The following SWT1 variants were observed in gnomAD, a reference collection of about 807,000 sequenced individuals.
SWT1 encodes transcriptional protein SWT1.
SWT1 carries 33 observed loss-of-function variants against 107.3 expected under a neutral mutation model. That is an observed-to-expected ratio of 0.31 (90% CI 0.23 to 0.41). The LOEUF (loss-of-function observed/expected upper bound fraction) is 0.41, where lower values mean the gene tolerates loss of function less well. Among genes scored for constraint, SWT1 ranks in the 10% least tolerant of loss-of-function variants. The pLI, the probability that SWT1 is intolerant of heterozygous loss-of-function variation, is 1.00. For synonymous variants in SWT1, 345 were observed against 348.3 expected, an observed-to-expected ratio of 0.99 and a Z score of 0.11; for missense variants, 898 against 1,028.9, an observed-to-expected ratio of 0.87 and a Z score of 1.74.
chr1:185,257,601 C>A lies in SWT1; in HGVS notation c.2442-13722C>A, dbSNP rs147562801. Among the ~76,000 whole-genome samples, 436 of 152,348 alleles carry A rather than the reference C, an allele frequency of 2.9e-3. 1 individual carries two copies. The highest frequency in any genetic ancestry group is 4.5e-3 in the Non-Finnish European group (303 of 68,040). On this transcript the variant is annotated intron_variant, in intron 16 of 18. Coordinates refer to ENST00000367500, the MANE Select transcript of SWT1 (RefSeq NM_017673.7). ...GGAAAGGGAACTCCCTGACCCCTTG[C>A]GCTTCCCAAGTGAGGCAATGCCTCG... is the stretch of plus-strand genomic sequence containing the variant.
chr1:185,262,786 CTTTTT>C (rs572086827), intron 16 of SWT1, among the ~76,000 whole-genome samples: 1 of 135,452 alleles, frequency 7.4e-6, no homozygotes. Flanking sequence ...TTTCTTCTTT[CTTTTT>C]TTTTTTTTTT....
At chr1:185,215,196 G>A (rs2102502290) in intron 14 of SWT1, among the ~76,000 whole-genome samples, 1 of 152,138 alleles carries the variant, frequency 6.6e-6, no homozygotes, top group South Asian at 2.1e-4. Context: ...TGTCACATTT[G>A]CTTTATTGTT....
chr1:185,171,276 AT>A, intron 4 of SWT1: 1 of 192,646 alleles, frequency 5.2e-6, no homozygotes. Flanking sequence ...ATGAACCACC[AT>A]TTTGGTTCCC....
intron 18 of SWT1, among the ~76,000 whole-genome samples, chr1:185,288,490 G>T (rs1326335442): frequency 1.3e-5 from 2 of 151,942 alleles, no homozygotes; most frequent in Non-Finnish European, 2.9e-5. Context: ...TCCTTGTCCT[G>T]TCCCGAGTTC....
intron 18 of SWT1, chr1:185,280,883 C>CA: frequency 2.2e-6 from 1 of 464,416 alleles, no homozygotes. Flanking sequence ...GGTCTACCCC[C>CA]TGTTGCTTCT....
chr1:185,176,848 G>A (rs555976509), intron 5 of SWT1: 6 of 384,472 alleles, frequency 1.6e-5, no homozygotes, highest in Non-Finnish European at 2.1e-5. Flanking sequence ...GCTGGGCATG[G>A]TGGCAGGCAC....
intron 16 of SWT1, among the ~76,000 whole-genome samples, chr1:185,250,995 T>TA (rs1315923334): frequency 6.6e-6 from 1 of 152,206 alleles, no homozygotes; most frequent in African/African-American, 2.4e-5. Flanking sequence ...ACATGGTTGA[T>TA]ACACTTATAT....
chr1:185,287,592 T>C (rs2102791138), intron 18 of SWT1, among the ~76,000 whole-genome samples: 1 of 152,282 alleles, frequency 6.6e-6, no homozygotes, highest in South Asian at 2.1e-4. Flanking sequence ...CAATAGTGAG[T>C]GTCCCATCAC....
At chr1:185,252,556 G>GT (rs955235515) in intron 16 of SWT1, among the ~76,000 whole-genome samples, 1 of 152,080 alleles carries the variant, frequency 6.6e-6, no homozygotes, top group African/African-American at 2.4e-5. Flanking sequence ...TTTTTCATGT[G>GT]TTTTTTGGCT....
intron 10 of SWT1, among the ~76,000 whole-genome samples, chr1:185,195,368 T>G (rs1226910795): frequency 6.6e-6 from 1 of 152,236 alleles, no homozygotes; most frequent in Admixed American, 6.5e-5. Context: ...ATGGTGTATA[T>G]GTGCCACATT....
chr1:185,230,832 C>T (rs964567644), intron 15 of SWT1, among the ~76,000 whole-genome samples: 4 of 152,022 alleles, frequency 2.6e-5, no homozygotes, highest in Admixed American at 1.3e-4. Context: ...ACTGAAGCCT[C>T]GGCCTCCTGG....
At chr1:185,160,131 A>T (rs1456655832) in intron 1 of SWT1, among the ~76,000 whole-genome samples, 13 of 152,234 alleles carry the variant, frequency 8.5e-5, no homozygotes, top group Non-Finnish European at 4.4e-5. Flanking sequence ...TGATTTGCCA[A>T]AGTCTTGTTC....
intron 16 of SWT1, among the ~76,000 whole-genome samples, chr1:185,252,895 C>G (rs1393024821): frequency 1.4e-5 from 2 of 146,722 alleles, no homozygotes; most frequent in African/African-American, 5.1e-5. Context: ...AGGTTTTCTT[C>G]TAGGGTTTTT....
At chr1:185,214,102 C>T (rs1659034888) in intron 13 of SWT1, among the ~76,000 whole-genome samples, 1 of 152,100 alleles carries the variant, frequency 6.6e-6, no homozygotes, top group African/African-American at 2.4e-5. Context: ...CCATATATAA[C>T]TGACATGCTT....
rs187228102 is a variant in SWT1, at chr1:185,203,482, G to A, written c.1669+683G>A. 3.2e-3 allele frequency among the ~76,000 whole-genome samples: 488 copies of A among 152,078 alleles called. 4 individuals are homozygous for A. Among genetic ancestry groups the A allele is most frequent in the African/African-American group, 0.011 (470 of 41,502 alleles). On this transcript the variant is annotated intron_variant, in intron 11 of 18. Coordinates refer to ENST00000367500, the MANE Select transcript of SWT1 (RefSeq NM_017673.7). ...AAAAATACGAAAAAATTCGCCGGGC[G>A]TGGTGGCGGGCGCCTGTAATCCCAG... is the stretch of plus-strand genomic sequence containing the variant.
At chr1:185,283,135 A>G (rs1664740435) in intron 18 of SWT1, among the ~76,000 whole-genome samples, 1 of 152,230 alleles carries the variant, frequency 6.6e-6, no homozygotes, top group South Asian at 2.1e-4. Context: ...GCATATGGAT[A>G]CAATTAAGTA....
intron 15 of SWT1, among the ~76,000 whole-genome samples, chr1:185,230,630 G>T (rs1427107670): frequency 6.6e-6 from 1 of 151,912 alleles, no homozygotes; most frequent in Non-Finnish European, 1.5e-5. Flanking sequence ...ACATGTTTTG[G>T]ATTTTTATAT....
intron 16 of SWT1, among the ~76,000 whole-genome samples, chr1:185,267,869 A>G (rs947821449): frequency 6.6e-6 from 1 of 152,216 alleles, no homozygotes; most frequent in African/African-American, 2.4e-5. Flanking sequence ...GAAAAAAAGA[A>G]TGAGAAAACT....
At chr1:185,255,199 A>G (rs1188799442) in intron 16 of SWT1, among the ~76,000 whole-genome samples, 2 of 152,038 alleles carry the variant, frequency 1.3e-5, no homozygotes, top group Non-Finnish European at 2.9e-5. Flanking sequence ...TTTACTTCCA[A>G]GTATGTGGTC....
Sources: allele counts gnomAD v4.1 joint callset (sites outside exome capture counted in the v4.1 genomes callset), GRCh38; gene constraint gnomAD v4.1.1; transcripts MANE v1.5; gene names NCBI Gene and HGNC (gene_info 2026-07-23, HGNC 2026-07-21).